The following NLGN1 variants were observed in gnomAD, a reference collection of about 807,000 sequenced individuals.
NLGN1 encodes neuroligin 1.
In NLGN1, 12 loss-of-function variants were observed where a neutral mutation model predicts 65.5. The observed-to-expected ratio is 0.18, with a 90% confidence interval of 0.12 to 0.30. The LOEUF is 0.30. NLGN1 is among the 10% of genes least tolerant of loss of function. NLGN1 has a pLI of 1.00. For synonymous variants in NLGN1, 350 were observed against 359.5 expected (o/e 0.97, Z 0.30); for missense variants, 750 against 1,007.1 (o/e 0.74, Z 3.46).
intron 1 of NLGN1, among the ~76,000 whole-genome samples, chr3:173,413,029 C>T (rs1361704441): frequency 6.6e-6 from 1 of 152,146 alleles, no homozygotes; most frequent in Non-Finnish European, 1.5e-5. Flanking sequence ...TGCTTGACTC[C>T]CTGGCGATAT....
intron 3 of NLGN1, among the ~76,000 whole-genome samples, chr3:173,776,782 C>T (rs191418686): frequency 6.6e-6 from 1 of 152,030 alleles, no homozygotes; most frequent in East Asian, 1.9e-4. Flanking sequence ...ATGGAGATAC[C>T]TCTCTGATCC....
chr3:173,524,203 G>C lies in NLGN1; in HGVS notation c.-320-80076G>C, dbSNP rs142181131. Among the ~76,000 whole-genome samples, 824 of 152,082 alleles carry C rather than the reference G, an allele frequency of 5.4e-3. 9 individuals are homozygous for C. The highest frequency in any genetic ancestry group is 0.019 in the African/African-American group (773 of 41,490). ...AGCCTCCCAAAGTGCTGGGATTACAGGTGTGAGCCACTGTGCCCGGCCTCA... is the reference window on the plus strand; with the variant it reads ...AGCCTCCCAAAGTGCTGGGATTACACGTGTGAGCCACTGTGCCCGGCCTCA... On this transcript the variant is annotated intron_variant, in intron 2 of 6. Transcript: ENST00000457714.
rs141572718 is a variant in NLGN1 at position 173,606,563 on chromosome 3, G to C, written c.493+1472G>C. On this transcript the variant is annotated intron_variant, in intron 3 of 6. Transcript: ENST00000457714. ...CTAATATCCTGGCTGGACCAAGTCA[G>C]ATTTCATTATAGCATCCTTGTGGGG... is the stretch of plus-strand genomic sequence containing the variant. 3.6e-4 allele frequency among the ~76,000 whole-genome samples: 55 copies of C among 152,150 alleles called. No individual in the cohort carries two copies. In the East Asian group the frequency reaches 8.7e-3, roughly 24 times the overall value.
At chr3:173,670,878 A>T (rs1036870408) in intron 3 of NLGN1, among the ~76,000 whole-genome samples, 8 of 152,230 alleles carry the variant, frequency 5.3e-5, no homozygotes, top group Non-Finnish European at 1.0e-4. Flanking sequence ...ATTATACTAT[A>T]AATCCAGATA....
chr3:173,713,593 A>G (rs1288591182), intron 3 of NLGN1, among the ~76,000 whole-genome samples: 1 of 152,112 alleles, frequency 6.6e-6, no homozygotes, highest in Non-Finnish European at 1.5e-5. Context: ...TGTTCTGTAC[A>G]GATATTTTCT....
chr3:173,621,392 G>A (rs1753962016), intron 3 of NLGN1, among the ~76,000 whole-genome samples: 1 of 152,154 alleles, frequency 6.6e-6, no homozygotes, highest in Non-Finnish European at 1.5e-5. Context: ...GACAGTAAGT[G>A]TGCAGTTGAT....
chr3:173,760,419 A>T (rs959634480), intron 3 of NLGN1, among the ~76,000 whole-genome samples: 1 of 151,956 alleles, frequency 6.6e-6, no homozygotes, highest in Admixed American at 6.6e-5. Flanking sequence ...ATAGTTTCAT[A>T]CAATTTTAGA....
At chr3:173,616,016 C>G (rs944111369) in intron 3 of NLGN1, among the ~76,000 whole-genome samples, 1 of 151,894 alleles carries the variant, frequency 6.6e-6, no homozygotes, top group Non-Finnish European at 1.5e-5. Context: ...GAGGCAGATA[C>G]AGAAAGAGAA....
intron 4 of NLGN1, among the ~76,000 whole-genome samples, chr3:174,115,900 G>T (rs1051651067): frequency 2.0e-5 from 3 of 152,106 alleles, no homozygotes; most frequent in African/African-American, 7.2e-5. Flanking sequence ...AAGCACTAAG[G>T]TTCTATATGT....
At chr3:174,097,621 G>A (rs1745781141) in intron 4 of NLGN1, among the ~76,000 whole-genome samples, 1 of 152,174 alleles carries the variant, frequency 6.6e-6, no homozygotes, top group Admixed American at 6.5e-5. Flanking sequence ...TGATGTGAAT[G>A]TAGGGCACAA....
intron 4 of NLGN1, among the ~76,000 whole-genome samples, chr3:174,163,674 A>G (rs2152724026): frequency 6.6e-6 from 1 of 152,174 alleles, no homozygotes; most frequent in Non-Finnish European, 1.5e-5. Flanking sequence ...CTAATTGAGA[A>G]CACACAGTAT....
chr3:174,046,172 T>A (rs1358507672), intron 4 of NLGN1, among the ~76,000 whole-genome samples: 1 of 152,194 alleles, frequency 6.6e-6, no homozygotes, highest in African/African-American at 2.4e-5. Flanking sequence ...AGCTCCATAC[T>A]ATATTTCCTT....
intron 2 of NLGN1, among the ~76,000 whole-genome samples, chr3:173,448,335 T>C (rs1355097845): frequency 6.6e-6 from 1 of 152,222 alleles, no homozygotes; most frequent in Non-Finnish European, 1.5e-5. Context: ...GATTTTTGTC[T>C]TTGGTTCTGT....
intron 4 of NLGN1, among the ~76,000 whole-genome samples, chr3:174,050,557 G>A (rs111471102): frequency 0.021 from 3,189 of 152,070 alleles, 48 homozygotes; most frequent in African/African-American, 0.03. Context: ...ATAGTACATC[G>A]CTTAGCATAA....
chr3:173,556,089 C>T (rs1055364148), intron 2 of NLGN1, among the ~76,000 whole-genome samples: 9 of 152,124 alleles, frequency 5.9e-5, no homozygotes, highest in Admixed American at 5.2e-4. Context: ...CACCTAACGT[C>T]CCTACTATTT....
chr3:173,429,817 G>A (rs1161600907), intron 1 of NLGN1, among the ~76,000 whole-genome samples: 1 of 152,176 alleles, frequency 6.6e-6, no homozygotes, highest in Non-Finnish European at 1.5e-5. Flanking sequence ...TATCCCCGCT[G>A]TGTGGGAAAG....
intron 1 of NLGN1, among the ~76,000 whole-genome samples, chr3:173,404,977 A>G (rs1207840390): frequency 1.3e-5 from 2 of 152,158 alleles, no homozygotes; most frequent in Non-Finnish European, 2.9e-5. Context: ...GGATTTTTAG[A>G]CAAATAGATA....
chr3:174,247,134 C>A (rs1034061698), intron 4 of NLGN1, among the ~76,000 whole-genome samples: 1 of 152,200 alleles, frequency 6.6e-6, no homozygotes, highest in Non-Finnish European at 1.5e-5. Context: ...GTGCATGCCT[C>A]TTCACAATGC....
At chr3:173,832,932 T>C (rs1195844983) in intron 4 of NLGN1, among the ~76,000 whole-genome samples, 1 of 152,220 alleles carries the variant, frequency 6.6e-6, no homozygotes, top group Non-Finnish European at 1.5e-5. Flanking sequence ...CAATCTTTTC[T>C]GGTCAGCACT....
Sources: allele counts gnomAD v4.1 joint callset (sites outside exome capture counted in the v4.1 genomes callset), GRCh38; gene constraint gnomAD v4.1.1; transcripts MANE v1.5; gene names NCBI Gene and HGNC (gene_info 2026-07-23, HGNC 2026-07-21).